The following GPM6B variants were observed in gnomAD, a reference collection of about 807,000 sequenced individuals.
GPM6B encodes the protein neuronal membrane glycoprotein M6-b.
Under a neutral mutation model 27.2 loss-of-function variants are expected in GPM6B, and 4 were observed. That is an observed-to-expected ratio of 0.15 (90% CI 0.07 to 0.34). GPM6B has a LOEUF of 0.34. GPM6B is among the 10% of genes least tolerant of loss of function. The probability of loss-of-function intolerance (pLI) is 1.00; values close to 1 mark genes in which losing one functional copy is unlikely to be tolerated. For missense variants in GPM6B, 183 were observed against 261.9 expected (o/e 0.70, Z 2.08); for synonymous variants, 124 against 103.1 (o/e 1.20, Z -1.23).
At chrX:13,779,655 C>A (rs2048478725) in intron 5 of GPM6B, among the ~76,000 whole-genome samples, 163 bp downstream of exon 5, 1 of 111,010 alleles carries the variant, frequency 9.0e-6, no homozygotes, top group Non-Finnish European at 1.9e-5. Flanking sequence ...GAAGTTTCCA[C>A]CCAGAAAATA....
chrX:13,773,953 CTTT>C (rs772367299), intron 7 of GPM6B: 301 of 435,432 alleles, frequency 6.9e-4, no homozygotes, highest in Middle Eastern at 1.4e-3. Context: ...CATATAAATC[CTTT>C]TTTTTTTTTT....
intron 1 of GPM6B, among the ~76,000 whole-genome samples, chrX:13,846,572 G>A (rs917610773): frequency 9.1e-6 from 1 of 109,752 alleles, no homozygotes; most frequent in Non-Finnish European, 1.9e-5. Flanking sequence ...CTCACTGCAA[G>A]CTCCGCCCTC....
chrX:13,901,422 CCTT>C (rs1324770547), intron 1 of GPM6B, among the ~76,000 whole-genome samples: 1 of 72,601 alleles, frequency 1.4e-5, no homozygotes, highest in African/African-American at 6.6e-5. Flanking sequence ...TGCCCCACTT[CCTT>C]GTTTTTTTTT....
At position 13,807,631 on chromosome X, in the gene GPM6B, A is replaced by G; in HGVS notation, c.181+19T>C. The G allele has an allele frequency of 8.9e-7, 1 of 1,118,088 alleles. No homozygotes were observed. The highest frequency in any genetic ancestry group is 1.2e-6 in the Non-Finnish European group (1 of 838,601). 92.1% of individuals were successfully genotyped at this position (1,118,088 alleles called of 1,213,427 possible). A position where few individuals can be genotyped will look rare whatever the true frequency, so the allele number is the denominator to read the frequency against. ...AACAGTTGACTTGCTATTAGAATTC[A>G]CCCCAAGGCTGTATTTACCTGGACT... On this transcript the variant is annotated intron_variant, in intron 2 of 7. Coordinates refer to ENST00000316715, the MANE Select transcript of GPM6B (RefSeq NM_001001995.3).
chrX:13,900,484 G>A (rs750279914), intron 1 of GPM6B, among the ~76,000 whole-genome samples: 4 of 110,785 alleles, frequency 3.6e-5, no homozygotes, highest in South Asian at 3.9e-4. Context: ...CTCTTAACAC[G>A]CGGGGTAAAC....
At chrX:13,780,070 C>G (rs572827298) in intron 4 of GPM6B, 81 bp from the exon 5 acceptor site, 4 of 868,208 alleles carry the variant, frequency 4.6e-6, no homozygotes, top group Non-Finnish European at 6.5e-6. Context: ...TGTGCATTTT[C>G]AGGCCCAATA....
At position 13,783,328 on chromosome X, in the gene GPM6B, G is replaced by C. The variant is rs201543004; in HGVS notation, c.525+37C>G. ...AATACATCAAGGCATGGCTCTGGTT[G>C]TATATCAAACAATCAGTTATCAGAG... On this transcript the variant is annotated intron_variant, in intron 4 of 7. Transcript: ENST00000316715. 2,978 of 1,104,899 alleles carry C rather than the reference G, an allele frequency of 2.7e-3. 2 individuals carry two copies. The highest frequency in any genetic ancestry group is 3.4e-3 in the Non-Finnish European group (2,814 of 825,476). The allele number at this position is 1,104,899 out of a possible 1,213,427, so 91.1% of individuals were successfully genotyped here. A position where few individuals can be genotyped will look rare whatever the true frequency, so the allele number is the denominator to read the frequency against.
chrX:13,843,123 T>C (rs183322213), intron 1 of GPM6B, among the ~76,000 whole-genome samples: 37 of 112,068 alleles, frequency 3.3e-4, no homozygotes, highest in African/African-American at 1.2e-3. Context: ...TCAACTCTGG[T>C]TCAAAGCAAC....
At chrX:13,919,338 C>T (rs2050456800) in intron 1 of GPM6B, among the ~76,000 whole-genome samples, 1 of 112,257 alleles carries the variant, frequency 8.9e-6, no homozygotes, top group African/African-American at 3.2e-5. Context: ...TTAATTTCAT[C>T]CTCAAAGACC....
intron 7 of GPM6B, among the ~76,000 whole-genome samples, chrX:13,775,456 T>C (rs1367094753): frequency 2.7e-5 from 3 of 112,359 alleles, no homozygotes; most frequent in Non-Finnish European, 5.6e-5. Context: ...GTTTTTCACA[T>C]TTTTGTGCAT....
intron 2 of GPM6B, among the ~76,000 whole-genome samples, chrX:13,797,265 C>T (rs187562447): frequency 8.5e-4 from 95 of 111,160 alleles, no homozygotes; most frequent in African/African-American, 3.0e-3. Flanking sequence ...CGGTAAGACA[C>T]ACAGACACAT....
chrX:13,838,967 C>T (rs1234545971), intron 1 of GPM6B, among the ~76,000 whole-genome samples: 3 of 111,608 alleles, frequency 2.7e-5, no homozygotes, highest in Non-Finnish European at 5.6e-5. Context: ...CAAGATGCCT[C>T]ATGATACCCT....
At chrX:13,926,472 CT>C (rs1921220798) in intron 1 of GPM6B, among the ~76,000 whole-genome samples, 1 of 108,997 alleles carries the variant, frequency 9.2e-6, no homozygotes, top group Non-Finnish European at 1.9e-5. Context: ...GAATAGGTCA[CT>C]TTTAAATAAG....
intron 1 of GPM6B, among the ~76,000 whole-genome samples, chrX:13,892,939 G>A (rs1391953897): frequency 8.9e-6 from 1 of 111,800 alleles, no homozygotes; most frequent in African/African-American, 3.3e-5. Context: ...CAGCTACTTG[G>A]GATTGCTTGA....
At chrX:13,936,379 TTTACC>T (rs1921839276) in intron 1 of GPM6B, among the ~76,000 whole-genome samples, 1 of 112,244 alleles carries the variant, frequency 8.9e-6, no homozygotes, top group African/African-American at 3.2e-5. Flanking sequence ...CCTCATCTAT[TTTACC>T]AGTAAATTAA....
intron 1 of GPM6B, among the ~76,000 whole-genome samples, chrX:13,931,275 G>C (rs1012771785): frequency 3.6e-5 from 4 of 111,015 alleles, no homozygotes; most frequent in African/African-American, 1.3e-4. Flanking sequence ...GGGAGGCCAA[G>C]GCGGGCGGAT....
intron 1 of GPM6B, among the ~76,000 whole-genome samples, chrX:13,810,631 C>A (rs2049112853): frequency 9.2e-6 from 1 of 109,248 alleles, no homozygotes; most frequent in Non-Finnish European, 1.9e-5. Context: ...GATGTTCAGG[C>A]AAGCAAGCAT....
chrX:13,861,240 T>G (rs895223008), intron 1 of GPM6B, among the ~76,000 whole-genome samples: 1 of 111,092 alleles, frequency 9.0e-6, no homozygotes, highest in Non-Finnish European at 1.9e-5. Context: ...GGTTCCATAC[T>G]TTTGCAATTG....
At position 13,920,630 on chromosome X, in the gene GPM6B, G is replaced by A. The variant is rs112165596; in HGVS notation, c.-198+17697C>T. On this transcript the variant is annotated intron_variant, in intron 1 of 6. Transcript: ENST00000398361. ...GGTAAGGCCGGGTGCAGTGGCTCAC[G>A]CCTGTAATCCCAGCACTTTGGGAGG... 3.6e-3 allele frequency among the ~76,000 whole-genome samples: 407 copies of A among 111,582 alleles called. 3 individuals are homozygous for A. The highest frequency in any genetic ancestry group is 5.3e-3 in the Non-Finnish European group (282 of 53,147).
Sources: allele counts gnomAD v4.1 joint callset (sites outside exome capture counted in the v4.1 genomes callset), GRCh38; gene constraint gnomAD v4.1.1; transcripts MANE v1.5; gene names NCBI Gene and HGNC (gene_info 2026-07-23, HGNC 2026-07-21).